EFNA2: variants seen among roughly 807,000 people sequenced by gnomAD.
The protein encoded by EFNA2 is ephrin A2, also known as ephrin-A2.
EFNA2 carries 18 observed loss-of-function variants against 19.7 expected under a neutral mutation model. That is an observed-to-expected ratio of 0.91 (90% CI 0.63 to 1.35). The LOEUF (loss-of-function observed/expected upper bound fraction) is 1.35. EFNA2 is among the 40% of genes most tolerant of loss of function. The probability of loss-of-function intolerance (pLI) is 0.00; values close to 1 mark genes in which losing one functional copy is unlikely to be tolerated. For synonymous variants in EFNA2, 187 were observed against 137.8 expected (o/e 1.36, Z -2.50); for missense variants, 303 against 296.0 (o/e 1.02, Z -0.17).
At chr19:1,289,252 C>T (rs114086107) in intron 1 of EFNA2, among the ~76,000 whole-genome samples, 1,888 of 152,312 alleles carry the variant, frequency 0.012, 49 homozygotes, top group African/African-American at 0.042. Context: ...TTTGCATGTG[C>T]GTGCCCTTGC....
At chr19:1,288,730 C>G (rs1270774050) in intron 1 of EFNA2, among the ~76,000 whole-genome samples, 1 of 152,058 alleles carries the variant, frequency 6.6e-6, no homozygotes, top group Non-Finnish European at 1.5e-5. Context: ...GATGCCTGCA[C>G]CCAGGGGACC....
In EFNA2 at chr19:1,295,499, C is replaced by T; in HGVS notation, c.141-46C>T. On this transcript the variant is annotated intron_variant, in intron 1 of 3. Coordinates refer to ENST00000215368, the MANE Select transcript of EFNA2 (RefSeq NM_001405.4). This position sits in a 1 kb window ranked among gnomAD's most constrained non-coding sequence, Gnocchi z 5.8. The stretch of plus-strand genomic sequence containing the variant: ...TCCCCGCGCACCCCGACCCGTGCCC[C>T]GTTCCTCGCTCCGGGCGCTGACCTC... 1 of 1,489,572 alleles carries T rather than the reference C, an allele frequency of 6.7e-7. No homozygotes were observed. The highest frequency in any genetic ancestry group is 8.9e-7 in the Non-Finnish European group (1 of 1,122,170). The allele number at this position is 1,489,572 out of a possible 1,614,324, so 92.3% of individuals were successfully genotyped here. A position where few individuals can be genotyped will look rare whatever the true frequency, so the allele number is the denominator to read the frequency against.
At chr19:1,289,553 G>A (rs10404537) in intron 1 of EFNA2, among the ~76,000 whole-genome samples, 13,450 of 152,308 alleles carry the variant, frequency 0.088, 691 homozygotes, top group Middle Eastern at 0.15. Context: ...CAGGGTGGAC[G>A]CAGGGGCCTG....
intron 3 of EFNA2, among the ~76,000 whole-genome samples, chr19:1,299,573 A>T (rs372031168): frequency 8.6e-5 from 13 of 151,598 alleles, no homozygotes; most frequent in East Asian, 1.9e-4. Flanking sequence ...TAAATAAATA[A>T]AAATAAAGCA....
rs2081511600 is a variant in EFNA2 at position 1,295,773 on chromosome 19, G to A, written c.369G>A (p.Pro123=). 1.2e-6 allele frequency: 2 copies of A among 1,605,434 alleles called. No individual in the cohort carries two copies. The highest frequency in any genetic ancestry group is 1.7e-4 in the Middle Eastern group (1 of 5,988). ...ECNRPAAPGG[P]LKFSEKFQLF... ...ACCGGCCCGCGGCGCCCGGGGGGCC[G>A]CTCAAGTTCTCGGAGAAGTTCCAGC... The change falls in exon 2 of 4, where the codon CCG becomes CCA. Residue 123 remains proline (P), a synonymous_variant. Coordinates refer to ENST00000215368, the MANE Select transcript of EFNA2 (RefSeq NM_001405.4). The surrounding 1 kb of genome is among the most constrained non-coding windows in gnomAD (Gnocchi z 5.8).
upstream of EFNA2, among the ~76,000 whole-genome samples, chr19:1,285,699 G>A (rs1279436464): frequency 6.6e-6 from 1 of 151,480 alleles, no homozygotes; most frequent in Non-Finnish European, 1.5e-5. This position sits in a 1 kb window ranked among gnomAD's most constrained non-coding sequence, Gnocchi z 4.1. Flanking sequence ...TGCCGGCGGG[G>A]GGCGCGCAGA....
chr19:1,285,522 G>A (rs1324224752), upstream of EFNA2, among the ~76,000 whole-genome samples: 3 of 152,154 alleles, frequency 2.0e-5, no homozygotes, highest in Non-Finnish European at 2.9e-5. The surrounding 1 kb of genome is among the most constrained non-coding windows in gnomAD (Gnocchi z 4.1). Flanking sequence ...GGAGTTGGCC[G>A]AGCCCGATTT....
rs377128782 is a variant in EFNA2, at chr19:1,295,176, A to G, written c.141-369A>G. The stretch of plus-strand genomic sequence containing the variant: ...TGTGCAACCCCACCTGCTGACCGCT[A>G]TCACCATTCAGGGCCCAGGCGGAGT... On this transcript the variant is annotated intron_variant, in intron 1 of 3. Transcript: ENST00000215368. The surrounding 1 kb of genome is among the most constrained non-coding windows in gnomAD (Gnocchi z 5.8). Among the ~76,000 whole-genome samples the G allele has an allele frequency of 3.9e-5, 6 of 152,192 alleles. No individual in the cohort carries two copies. The East Asian group carries it at 1.2e-3, about 29-fold the overall frequency.
rs566098602 is a variant in EFNA2 at position 1,295,904 on chromosome 19, A to G, written c.454+46A>G. On this transcript the variant is annotated intron_variant, in intron 2 of 3. Transcript: ENST00000215368. The surrounding 1 kb of genome is among the most constrained non-coding windows in gnomAD (Gnocchi z 5.8). ...GCTGCCGGGGCCCGAGTGGGCGGGG[A>G]CGCGGGGGCGGGGCCAGGAAGTGGG... The G allele has an allele frequency of 9.1e-5, 96 of 1,055,076 alleles. No homozygotes were observed. Among genetic ancestry groups the G allele is most frequent in the Middle Eastern group, 3.7e-4 (1 of 2,732 alleles). The allele number at this position is 1,055,076 out of a possible 1,614,324, so 65.4% of individuals were successfully genotyped here.
Position 1,296,864 on chromosome 19 carries a change from C to T in EFNA2, c.454+1006C>T, listed in dbSNP as rs1207288713. Among the ~76,000 whole-genome samples the T allele has an allele frequency of 6.6e-6, 1 of 152,190 alleles. No individual in the cohort carries two copies. ...ACATCTGCAGGACCCCATGGTGGGC[C>T]AGGCTGGGTGGGCCAGGCTGAGGGA... On this transcript the variant is annotated intron_variant, in intron 2 of 3. Coordinates refer to ENST00000215368, the MANE Select transcript of EFNA2 (RefSeq NM_001405.4). The surrounding 1 kb of genome is among the most constrained non-coding windows in gnomAD (Gnocchi z 4.4).
rs546928964 is a variant in EFNA2, at chr19:1,300,596, C to T, written c.*651C>T. Reference sequence around the variant, plus strand: ...AACACAGCTGCAGCCCACCGCGGACCCCCCTGGTGCTCCAGGTTGGGTGAG... The same window carrying T: ...AACACAGCTGCAGCCCACCGCGGACTCCCCTGGTGCTCCAGGTTGGGTGAG... On this transcript the variant is annotated 3_prime_UTR_variant, in exon 4 of 4. Transcript: ENST00000215368. Among the ~76,000 whole-genome samples the T allele has an allele frequency of 6.6e-6, 1 of 152,236 alleles. No homozygotes were observed. Among genetic ancestry groups the T allele is most frequent in the South Asian group, 2.1e-4 (1 of 4,818 alleles).
Position 1,299,973 on chromosome 19 carries a change from C to G in EFNA2, c.*28C>G. On this transcript the variant is annotated 3_prime_UTR_variant, in exon 4 of 4. Transcript: ENST00000215368. ...CCAGCCCCGCAGGACGCCGACCCTG[C>G]CTGGACGGCCCCGCCTGGACCGCCT... 4.5e-6 allele frequency: 7 copies of G among 1,570,356 alleles called. No homozygotes were observed. The highest frequency in any genetic ancestry group is 6.0e-6 in the Non-Finnish European group (7 of 1,163,368).
intron 2 of EFNA2, 69 bp from the exon 3 acceptor site, chr19:1,298,482 A>C: frequency 6.5e-7 from 1 of 1,527,400 alleles, no homozygotes; most frequent in Non-Finnish European, 9.0e-7. Flanking sequence ...TGGGGAAGGG[A>C]GTACAGCCCC....
rs574633310 is a variant in EFNA2, at chr19:1,287,301, C to T, written c.140+993C>T. On this transcript the variant is annotated intron_variant, in intron 1 of 3. Coordinates refer to ENST00000215368, the MANE Select transcript of EFNA2 (RefSeq NM_001405.4). This position sits in a 1 kb window ranked among gnomAD's most constrained non-coding sequence, Gnocchi z 6.2. Reference sequence around the variant, plus strand: ...CCGGGGCTTTGGGGGTCCTGGGGCTCGGGAGGGAGTCAGCCCCAGCACTCA... The same window carrying T: ...CCGGGGCTTTGGGGGTCCTGGGGCTTGGGAGGGAGTCAGCCCCAGCACTCA... 2.0e-5 allele frequency among the ~76,000 whole-genome samples: 3 copies of T among 152,068 alleles called. No individual in the cohort carries two copies. Among genetic ancestry groups the T allele is most frequent in the Non-Finnish European group, 4.4e-5 (3 of 67,990 alleles).
rs531162289 is a variant in EFNA2 at position 1,291,623 on chromosome 19, G to C, written c.141-3922G>C. ...TGGAAGAGAGATGCAGACGGGTGCA[G>C]GCGTCCACCTGCCCACCCACGGGGT... On this transcript the variant is annotated intron_variant, in intron 1 of 3. Transcript: ENST00000215368. 3.3e-4 allele frequency among the ~76,000 whole-genome samples: 51 copies of C among 152,250 alleles called. 1 individual carries two copies. The highest frequency in any genetic ancestry group is 1.1e-3 in the African/African-American group (47 of 41,544).
rs1258472563 is a variant in EFNA2 at position 1,286,282 on chromosome 19, C to G, written c.114C>G (p.Ala38=). The change falls in exon 1 of 4, where the codon GCC becomes GCG. Residue 38 remains alanine, a synonymous_variant. Coordinates refer to ENST00000215368, the MANE Select transcript of EFNA2 (RefSeq NM_001405.4). The surrounding 1 kb of genome is among the most constrained non-coding windows in gnomAD (Gnocchi z 5.6). ...DAARANSDRY[A]VYWNRSNPRF... ...CCCGCGCCAACTCGGACCGCTACGC[C>G]GTCTACTGGAACCGCAGCAACCCCA... 59 of 1,077,828 alleles carry G rather than the reference C, an allele frequency of 5.5e-5. No homozygotes were observed. The East Asian group carries it at 3.0e-3, about 55-fold the overall frequency. 66.8% of individuals were successfully genotyped at this position (1,077,828 alleles called of 1,614,324 possible). A position where few individuals can be genotyped will look rare whatever the true frequency, so the allele number is the denominator to read the frequency against.
rs566098602 is a variant in EFNA2 at position 1,295,904 on chromosome 19, A to C, written c.454+46A>C. 60 of 1,055,122 alleles carry C rather than the reference A, an allele frequency of 5.7e-5. 1 individual carries two copies. The highest frequency in any genetic ancestry group is 5.2e-4 in the South Asian group (34 of 65,708). 65.4% of individuals were successfully genotyped at this position (1,055,122 alleles called of 1,614,324 possible). A position where few individuals can be genotyped will look rare whatever the true frequency, so the allele number is the denominator to read the frequency against. On this transcript the variant is annotated intron_variant, in intron 2 of 3. Transcript: ENST00000215368. This position sits in a 1 kb window ranked among gnomAD's most constrained non-coding sequence, Gnocchi z 5.8. The stretch of plus-strand genomic sequence containing the variant: ...GCTGCCGGGGCCCGAGTGGGCGGGG[A>C]CGCGGGGGCGGGGCCAGGAAGTGGG...
At chr19:1,293,417 ATGGGGGCTGCCC>A (rs1003979155) in intron 1 of EFNA2, among the ~76,000 whole-genome samples, 3 of 152,188 alleles carry the variant, frequency 2.0e-5, no homozygotes, top group African/African-American at 7.2e-5. Context: ...CTGAGCCTGT[ATGGGGGCTGCCC>A]CCGTGTCTGT....
chr19:1,290,755 G>A (rs1432383205), intron 1 of EFNA2, among the ~76,000 whole-genome samples: 1 of 152,210 alleles, frequency 6.6e-6, no homozygotes, highest in Non-Finnish European at 1.5e-5. Flanking sequence ...GTACCTTGCT[G>A]GGGGAAGGGC....
Sources: gnomAD v4.1 joint callset for allele counts (sites outside exome capture counted in the v4.1 genomes callset) on GRCh38, gnomAD v4.1.1 for gene constraint, Gnocchi (gnomAD v3.1) non-coding constraint, MANE v1.5 for transcripts, NCBI Gene and HGNC (gene_info 2026-07-23, HGNC 2026-07-21) for gene names.